JAZF1: variants seen among roughly 807,000 people sequenced by gnomAD.
JAZF1 encodes the protein juxtaposed with another zinc finger protein 1.
JAZF1 carries 8 observed loss-of-function variants against 26.4 expected under a neutral mutation model. The ratio of observed to expected loss-of-function variants is 0.30; its 90% CI spans 0.18 to 0.55. The LOEUF (loss-of-function observed/expected upper bound fraction) is 0.55, where lower values mean the gene tolerates loss of function less well. Ranked by LOEUF, JAZF1 falls within the 20% of genes least tolerant of loss-of-function variation. JAZF1 has a pLI of 0.94. For synonymous variants in JAZF1, 126 were observed against 122.3 expected (o/e 1.03, Z -0.20); for missense variants, 199 against 322.0 (o/e 0.62, Z 2.92).
At chr7:27,939,567 T>G (rs1784812214) in intron 2 of JAZF1, among the ~76,000 whole-genome samples, 1 of 152,224 alleles carries the variant, frequency 6.6e-6, no homozygotes, top group Non-Finnish European at 1.5e-5. Flanking sequence ...CAGTTATCCA[T>G]GGCCTCAGGC....
Position 28,015,033 on chromosome 7 carries a change from ATGTG to A in JAZF1, c.116-23056_116-23053del, listed in dbSNP as rs397804972. ...GACCCAGCAAAAGCAGAAAGTGTGT[ATGTG>A]TGTGTGTGTGTGTGTGTGTGTGTGT... On this transcript the variant is annotated intron_variant, in intron 1 of 4. Transcript: ENST00000283928. 3.7e-3 allele frequency among the ~76,000 whole-genome samples: 515 copies of A among 140,758 alleles called. 3 individuals carry two copies. Among genetic ancestry groups the A allele is most frequent in the Middle Eastern group, 0.014 (4 of 282 alleles). The allele number at this position is 140,758 out of a possible 152,430, so 92.3% of individuals were successfully genotyped here.
intron 2 of JAZF1, among the ~76,000 whole-genome samples, chr7:27,895,996 A>G (rs1784057055): frequency 6.6e-6 from 1 of 152,236 alleles, no homozygotes; most frequent in African/African-American, 2.4e-5. Context: ...CAAGGATTCT[A>G]GTCCCCAGTT....
At chr7:27,864,245 T>C (rs1783433446) in intron 3 of JAZF1, among the ~76,000 whole-genome samples, 1 of 152,030 alleles carries the variant, frequency 6.6e-6, no homozygotes, top group Non-Finnish European at 1.5e-5. Context: ...ATCAAAGCTA[T>C]TCAAATCAAC....
chr7:28,061,634 G>A (rs1472793635), intron 1 of JAZF1, among the ~76,000 whole-genome samples: 1 of 152,192 alleles, frequency 6.6e-6, no homozygotes, highest in Non-Finnish European at 1.5e-5. Context: ...TTTGTTAAAC[G>A]TGATTATCCC....
At chr7:27,949,491 A>G (rs1191808627) in intron 2 of JAZF1, among the ~76,000 whole-genome samples, 1 of 152,234 alleles carries the variant, frequency 6.6e-6, no homozygotes, top group Non-Finnish European at 1.5e-5. Context: ...GGTCTGAGCC[A>G]CAAAGTGTGC....
chr7:27,979,305 T>G (rs1046575500), intron 2 of JAZF1, among the ~76,000 whole-genome samples: 1 of 151,260 alleles, frequency 6.6e-6, no homozygotes, highest in African/African-American at 2.4e-5. Flanking sequence ...TATGTTATTT[T>G]AATAAAAGCA....
intron 1 of JAZF1, among the ~76,000 whole-genome samples, chr7:28,175,075 G>C (rs1424834156): frequency 6.6e-6 from 1 of 152,174 alleles, no homozygotes; most frequent in Non-Finnish European, 1.5e-5. Context: ...CCTCTTTCTA[G>C]TCCTGGATTT....
intron 1 of JAZF1, among the ~76,000 whole-genome samples, chr7:28,104,719 G>A (rs372394877): frequency 3.3e-5 from 5 of 152,132 alleles, no homozygotes; most frequent in Admixed American, 6.5e-5. Flanking sequence ...ATTCTGGAAC[G>A]TATTAGGTTC....
chr7:27,960,784 C>G (rs1446997294), intron 2 of JAZF1, among the ~76,000 whole-genome samples: 1 of 152,170 alleles, frequency 6.6e-6, no homozygotes, highest in Non-Finnish European at 1.5e-5. Context: ...AACTCATAAC[C>G]TGGTGGAGGC....
At chr7:28,145,219 A>G (rs1004707176) in intron 1 of JAZF1, among the ~76,000 whole-genome samples, 5 of 152,222 alleles carry the variant, frequency 3.3e-5, no homozygotes, top group African/African-American at 1.2e-4. Context: ...GTAGAAGGAC[A>G]AAGGAAAAGG....
chr7:28,011,659 C>T (rs1050560433), intron 1 of JAZF1, among the ~76,000 whole-genome samples: 1 of 152,126 alleles, frequency 6.6e-6, no homozygotes. Context: ...AGGGAAATAT[C>T]TGCCCAAAAA....
intron 1 of JAZF1, among the ~76,000 whole-genome samples, chr7:28,140,527 C>T (rs1782946482): frequency 6.6e-6 from 1 of 151,176 alleles, no homozygotes; most frequent in Non-Finnish European, 1.5e-5. Flanking sequence ...CCACCCCTCA[C>T]CCCAAACCCC....
Position 27,839,881 on chromosome 7 carries a change from T to C in JAZF1, c.555+817A>G, listed in dbSNP as rs116560249. ...CTGCTAGCCTATGAGTGAATTAGCA[T>C]ATCATCAAGCATACCAGGTATGTTT... On this transcript the variant is annotated intron_variant, in intron 4 of 4. Transcript: ENST00000283928. 5.5e-3 allele frequency among the ~76,000 whole-genome samples: 845 copies of C among 152,344 alleles called. 6 individuals carry two copies. The highest frequency in any genetic ancestry group is 0.016 in the African/African-American group (664 of 41,564).
chr7:27,940,105 C>T (rs1194168268), intron 2 of JAZF1, among the ~76,000 whole-genome samples: 1 of 152,214 alleles, frequency 6.6e-6, no homozygotes, highest in Non-Finnish European at 1.5e-5. Flanking sequence ...GCCTGCTGCC[C>T]TCCTCTCACC....
At chr7:28,136,015 C>T (rs1782879543) in intron 1 of JAZF1, among the ~76,000 whole-genome samples, 2 of 152,164 alleles carry the variant, frequency 1.3e-5, no homozygotes, top group South Asian at 2.1e-4. Flanking sequence ...TTCCATTCTC[C>T]ATGTTTCACT....
intron 1 of JAZF1, among the ~76,000 whole-genome samples, chr7:27,994,441 C>CA (rs781162884): frequency 0.22 from 15,999 of 73,816 alleles, 1,417 homozygotes; most frequent in African/African-American, 0.31. Context: ...CTCTCCATCA[C>CA]AAAAAAAAAA....
At chr7:27,834,464 GACAA>G (rs1782767680) in intron 4 of JAZF1, among the ~76,000 whole-genome samples, 2 of 152,252 alleles carry the variant, frequency 1.3e-5, no homozygotes, top group Admixed American at 1.3e-4. Context: ...GAAGCAGAAG[GACAA>G]ACACTCTCCC....
intron 1 of JAZF1, among the ~76,000 whole-genome samples, chr7:28,071,853 A>G (rs1231763612): frequency 2.0e-5 from 3 of 152,216 alleles, no homozygotes; most frequent in East Asian, 3.8e-4. Context: ...AAGCGATTCC[A>G]TGTTTAACAA....
intron 2 of JAZF1, among the ~76,000 whole-genome samples, chr7:27,989,876 C>T (rs563464127): frequency 1.3e-4 from 20 of 152,254 alleles, no homozygotes; most frequent in Non-Finnish European, 2.4e-4. Context: ...GACAGTGTGG[C>T]GATTCCTCAG....
Sources: allele counts gnomAD v4.1 joint callset (sites outside exome capture counted in the v4.1 genomes callset), GRCh38; gene constraint gnomAD v4.1.1; transcripts MANE v1.5; gene names NCBI Gene and HGNC (gene_info 2026-07-23, HGNC 2026-07-21).